The following PLEKHG4B variants were observed in gnomAD, a reference collection of about 807,000 sequenced individuals.
The protein encoded by PLEKHG4B is pleckstrin homology domain-containing family G member 4B.
Under a neutral mutation model 121.3 loss-of-function variants are expected in PLEKHG4B, and 111 were observed. That is an observed-to-expected ratio of 0.92 (90% CI 0.78 to 1.07). The LOEUF is 1.07. Ranked by LOEUF, PLEKHG4B falls within the 50% of genes least tolerant of loss-of-function variation. The pLI is 0.00. For synonymous variants in PLEKHG4B, 738 were observed against 725.0 expected, an observed-to-expected ratio of 1.02 and a Z score of -0.29; for missense variants, 1,831 against 1,757.8, an observed-to-expected ratio of 1.04 and a Z score of -0.74.
intron 13 of PLEKHG4B, among the ~76,000 whole-genome samples, chr5:167,731 G>A (rs577231516): frequency 2.4e-4 from 36 of 152,350 alleles, no homozygotes; most frequent in African/African-American, 8.4e-4. Flanking sequence ...CATGCTGCCG[G>A]AGTGTGGGCC....
At chr5:160,689 T>C (rs1478573804) in intron 11 of PLEKHG4B, among the ~76,000 whole-genome samples, 2 of 152,236 alleles carry the variant, frequency 1.3e-5, no homozygotes, top group Non-Finnish European at 2.9e-5. Context: ...CAGCCCTTTC[T>C]ACCTTAAGTT....
chr5:119,851 C>G (rs10040004), intron 2 of PLEKHG4B, among the ~76,000 whole-genome samples: 28,355 of 152,132 alleles, frequency 0.19, 3,665 homozygotes, highest in African/African-American at 0.36. Flanking sequence ...CTTGAATGCA[C>G]GTGGATCTTC....
chr5:169,505 C>T lies in PLEKHG4B; in HGVS notation c.3642C>T (p.Leu1214=). Residue 1214 remains leucine, a synonymous_variant, in exon 14 of 20, where the codon CTC becomes CTT. Coordinates refer to ENST00000637938, the MANE Select transcript of PLEKHG4B (RefSeq NM_052909.5). The part of the protein sequence containing the change: ...HHVIFGNLEK[L]HDFHQQHFLR... ...TTATTTTCGGCAACTTGGAGAAGCT[C>T]CACGACTTCCACCAGCAGCACTTCC... 1 of 1,614,186 alleles carries T rather than the reference C, an allele frequency of 6.2e-7. No individual in the cohort carries two copies. Among genetic ancestry groups the T allele is most frequent in the Non-Finnish European group, 8.5e-7 (1 of 1,180,046 alleles).
intron 1 of PLEKHG4B, among the ~76,000 whole-genome samples, chr5:112,067 C>G (rs1237966821): frequency 6.6e-6 from 1 of 152,248 alleles, no homozygotes; most frequent in Non-Finnish European, 1.5e-5. Context: ...TGCATGAACT[C>G]AGACTGTATT....
intron 2 of PLEKHG4B, among the ~76,000 whole-genome samples, chr5:134,773 A>AG (rs1734900478): frequency 6.7e-6 from 1 of 148,480 alleles, no homozygotes; most frequent in African/African-American, 2.6e-5. Flanking sequence ...CTCAAAAAAA[A>AG]AAAAAAAAGA....
rs1284779166 is a variant in PLEKHG4B, at chr5:159,286, C to T, written c.2487+2375C>T. The stretch of plus-strand genomic sequence containing the variant: ...CCCAGGTGCACTGAGGGCAGGTGTG[C>T]CTGAGGGTCGCCCAGGTGCACCGAG... On this transcript the variant is annotated intron_variant, in intron 11 of 19. Coordinates refer to ENST00000637938, the MANE Select transcript of PLEKHG4B (RefSeq NM_052909.5). This position sits in a 1 kb window ranked among gnomAD's most constrained non-coding sequence, Gnocchi z 5.5. Among the ~76,000 whole-genome samples the T allele has an allele frequency of 6.6e-6, 1 of 150,558 alleles. No homozygotes were observed. The highest frequency in any genetic ancestry group is 2.5e-5 in the African/African-American group (1 of 40,506).
intron 2 of PLEKHG4B, among the ~76,000 whole-genome samples, chr5:127,340 T>TTTATTA (rs60825083): frequency 0.37 from 49,477 of 135,182 alleles, 9,461 homozygotes; most frequent in East Asian, 0.51. Context: ...ATTGTTGGTT[T>TTTATTA]TTATTATTAT....
In PLEKHG4B at chr5:169,574, C is replaced by A; in HGVS notation, c.3711C>A (p.Gly1237=). 6.2e-7 allele frequency: 1 copy of A among 1,613,446 alleles called. No individual in the cohort carries two copies. The highest frequency in any genetic ancestry group is 8.5e-7 in the Non-Finnish European group (1 of 1,180,046). ...GCCAGCACTGCCCCTTGGCCGTGGG[C>A]CGCAGTTTCCTGAGACACGTAAGTG... ...ERCQHCPLAV[G]RSFLRHEEQF... Residue 1237 remains glycine, a synonymous_variant, in exon 14 of 20, where the codon GGC becomes GGA. Transcript: ENST00000637938.
intron 5 of PLEKHG4B, 67 bp downstream of exon 5, chr5:143,570 T>G (rs1272086141): frequency 3.2e-5 from 50 of 1,581,630 alleles, no homozygotes; most frequent in Non-Finnish European, 4.0e-5. Flanking sequence ...TGTGGCAAAG[T>G]GGGGGGCACG....
chr5:172,809 G>A lies in PLEKHG4B; in HGVS notation c.4051-88G>A, dbSNP rs548409326. On this transcript the variant is annotated intron_variant, in intron 16 of 19. Transcript: ENST00000637938. Reference sequence around the variant, plus strand: ...GGCTGCTGTTCCGTCTTGTCACGAAGCTAACACATTTAGACGGAGACAGTG... The same window carrying A: ...GGCTGCTGTTCCGTCTTGTCACGAAACTAACACATTTAGACGGAGACAGTG... 6.9e-6 allele frequency: 10 copies of A among 1,446,426 alleles called. No individual in the cohort carries two copies. The South Asian group carries it at 1.2e-4, about 17-fold the overall frequency. The allele number at this position is 1,446,426 out of a possible 1,614,324, so 89.6% of individuals were successfully genotyped here.
chr5:105,768 G>T (rs1733958280), intron 1 of PLEKHG4B, among the ~76,000 whole-genome samples: 2 of 152,316 alleles, frequency 1.3e-5, no homozygotes, highest in Admixed American at 1.3e-4. Context: ...CACATTTTGA[G>T]GACTTTTTTT....
rs35601775 is a variant in PLEKHG4B at position 135,187 on chromosome 5, C to CAAA, written c.244-4276_244-4274dup. On this transcript the variant is annotated intron_variant, in intron 2 of 19. Coordinates refer to ENST00000637938, the MANE Select transcript of PLEKHG4B (RefSeq NM_052909.5). ...TGGGTGACAGAACGAGACTCCAGCT[C>CAAA]AAAAAAAAAAAAAAAAAAAAAAGTT... 3.3e-3 allele frequency among the ~76,000 whole-genome samples: 161 copies of CAAA among 48,706 alleles called. 9 individuals carry two copies. The highest frequency in any genetic ancestry group is 9.1e-3 in the African/African-American group (144 of 15,826). The allele number at this position is 48,706 out of a possible 152,430, so 32.0% of individuals were successfully genotyped here.
chr5:150,457 G>A (rs775012390), intron 6 of PLEKHG4B, among the ~76,000 whole-genome samples: 24 of 152,142 alleles, frequency 1.6e-4, no homozygotes, highest in Non-Finnish European at 3.2e-4. Flanking sequence ...CGTTATGAAT[G>A]TACCTAAGAC....
chr5:181,150 C>T (rs2126467762), intron 18 of PLEKHG4B, among the ~76,000 whole-genome samples: 1 of 152,330 alleles, frequency 6.6e-6, no homozygotes, highest in East Asian at 1.9e-4. Context: ...TTTGTCTTTC[C>T]CATGGACACG....
chr5:164,970 G>A (rs1342156387), intron 13 of PLEKHG4B, among the ~76,000 whole-genome samples: 5 of 62,846 alleles, frequency 8.0e-5, no homozygotes, highest in Non-Finnish European at 1.5e-4. Flanking sequence ...ATGCTCTGAC[G>A]GGGCGGAGCT....
rs1323801973 is a variant in PLEKHG4B at position 185,931 on chromosome 5, A to G, written c.*3608A>G. 1 of 152,090 alleles carries G rather than the reference A, an allele frequency of 6.6e-6. No homozygotes were observed. Among genetic ancestry groups the G allele is most frequent in the East Asian group, 1.9e-4 (1 of 5,176 alleles). 9.4% of individuals were successfully genotyped at this position (152,090 alleles called of 1,614,324 possible). On this transcript the variant is annotated 3_prime_UTR_variant, in exon 20 of 20. Transcript: ENST00000637938. ...ACACCAGCCCCACGGGAGCCCCACGACCCATCGGGCTGTGGGATGCATCCC... is the reference window on the plus strand; with the variant it reads ...ACACCAGCCCCACGGGAGCCCCACGGCCCATCGGGCTGTGGGATGCATCCC...
intron 1 of PLEKHG4B, among the ~76,000 whole-genome samples, chr5:98,674 G>A (rs1463131166): frequency 8.3e-5 from 12 of 143,766 alleles, no homozygotes; most frequent in Non-Finnish European, 1.5e-4. Context: ...GGGTTTCACC[G>A]TGTTAGCCAG....
rs575842683 is a variant in PLEKHG4B at position 96,065 on chromosome 5, T to C, written c.45+3789T>C. On this transcript the variant is annotated intron_variant, in intron 1 of 19. Transcript: ENST00000637938. ...TCTGAAAGCTCTTGATCCCTAACTT[T>C]TGGTATAATAGACTGAGACAAAGGA... Among the ~76,000 whole-genome samples the C allele has an allele frequency of 3.9e-5, 6 of 152,314 alleles. No individual in the cohort carries two copies. In the South Asian group the frequency reaches 1.2e-3, roughly 32 times the overall value.
At chr5:128,271 A>C (rs1734678991) in intron 2 of PLEKHG4B, among the ~76,000 whole-genome samples, 2 of 152,226 alleles carry the variant, frequency 1.3e-5, no homozygotes, top group Admixed American at 1.3e-4. Context: ...ATGGCAAAGA[A>C]ACGTATTTTG....
Sources: gnomAD v4.1 joint callset for allele counts (sites outside exome capture counted in the v4.1 genomes callset) on GRCh38, gnomAD v4.1.1 for gene constraint, Gnocchi (gnomAD v3.1) non-coding constraint, MANE v1.5 for transcripts, NCBI Gene and HGNC (gene_info 2026-07-23, HGNC 2026-07-21) for gene names.